The following RC3H2 variants were observed in gnomAD, a reference collection of about 807,000 sequenced individuals.
The protein encoded by RC3H2 is ring finger and CCCH-type domains 2, also known as roquin-2.
RC3H2 carries 31 observed loss-of-function variants against 133.3 expected under a neutral mutation model. The ratio of observed to expected loss-of-function variants is 0.23; its 90% CI spans 0.17 to 0.31. The LOEUF (loss-of-function observed/expected upper bound fraction) is 0.31, where lower values mean the gene tolerates loss of function less well. Among genes scored for constraint, RC3H2 ranks in the 10% least tolerant of loss-of-function variants. The pLI, the probability that RC3H2 is intolerant of heterozygous loss-of-function variation, is 1.00. For missense variants in RC3H2, 1,175 were observed against 1,437.2 expected (o/e 0.82, Z 2.95); for synonymous variants, 517 against 502.2 (o/e 1.03, Z -0.40).
At chr9:122,862,891 CAAA>C (rs1168612532) in intron 10 of RC3H2, among the ~76,000 whole-genome samples, 4 of 48,116 alleles carry the variant, frequency 8.3e-5, no homozygotes, top group African/African-American at 2.4e-4. Context: ...GACTCCATCT[CAAA>C]AAAAAAAAAA....
chr9:122,849,807 T>G lies in RC3H2; in HGVS notation c.3396A>C (p.Thr1132=). ...EDHVILEEQK[T]ILPVTSCFSQ... ...TAAAGCAAGAAGTTACCGGCAGAAT[T>G]GTTTTTTGCTCCTCCCTGAGAAAAA... The change falls in exon 21 of 21, where the codon ACA becomes ACC. Residue 1132 remains threonine (T), a synonymous_variant. Transcript: ENST00000357244. 6.4e-7 allele frequency: 1 copy of G among 1,569,790 alleles called. No homozygotes were observed. Among genetic ancestry groups the G allele is most frequent in the Non-Finnish European group, 8.6e-7 (1 of 1,161,386 alleles).
chr9:122,888,653 C>T (rs1164643590), intron 4 of RC3H2, among the ~76,000 whole-genome samples: 3 of 152,188 alleles, frequency 2.0e-5, no homozygotes, highest in East Asian at 1.9e-4. Context: ...AGAATATATA[C>T]TTCTTCCTCA....
At chr9:122,862,118 AC>A (rs1331347059) in intron 10 of RC3H2, among the ~76,000 whole-genome samples, 3 of 152,240 alleles carry the variant, frequency 2.0e-5, no homozygotes, top group African/African-American at 7.2e-5. Flanking sequence ...AGACTTATCA[AC>A]AAAAAGGCAA....
intron 2 of RC3H2, among the ~76,000 whole-genome samples, chr9:122,897,024 T>TAAA (rs139505008): frequency 1.1e-4 from 4 of 37,016 alleles, no homozygotes; most frequent in East Asian, 7.9e-4. Flanking sequence ...AGACTCTGTC[T>TAAA]AAAAAAAAAA....
Position 122,905,137 on chromosome 9 carries a change from G to A in RC3H2, c.-95C>T, listed in dbSNP as rs1332393851. 3.0e-6 allele frequency: 3 copies of A among 985,300 alleles called. No individual in the cohort carries two copies. Among genetic ancestry groups the A allele is most frequent in the East Asian group, 1.1e-4 (1 of 8,792 alleles). 61.0% of individuals were successfully genotyped at this position (985,300 alleles called of 1,614,324 possible). A position where few individuals can be genotyped will look rare whatever the true frequency, so the allele number is the denominator to read the frequency against. ...GAGGGGGCCCGGGCGGGGTCGCTAA[G>A]GGCCGCTCCCGGGAGCCCCGCGACG... On this transcript the variant is annotated 5_prime_UTR_variant, in exon 1 of 21. Coordinates refer to ENST00000357244, the MANE Select transcript of RC3H2 (RefSeq NM_001100588.3).
At chr9:122,897,126 A>T (rs1231615129) in intron 2 of RC3H2, among the ~76,000 whole-genome samples, 153 bp downstream of exon 2, 3 of 151,814 alleles carry the variant, frequency 2.0e-5, no homozygotes, top group Non-Finnish European at 4.4e-5. Flanking sequence ...AAAAAATCTC[A>T]CAATGTTTTA....
chr9:122,851,690 G>T (rs1830026554), intron 18 of RC3H2: 2 of 404,924 alleles, frequency 4.9e-6, no homozygotes, highest in Non-Finnish European at 9.0e-6. Context: ...GTGGAGACGG[G>T]GTTTCGCTGT....
chr9:122,879,909 G>T (rs755470873), intron 7 of RC3H2, 36 bp from the exon 8 acceptor site: 1 of 1,610,744 alleles, frequency 6.2e-7, no homozygotes, highest in East Asian at 2.2e-5. Context: ...GGGTTGGGGG[G>T]GAAGAATGTT....
intron 9 of RC3H2, among the ~76,000 whole-genome samples, chr9:122,867,471 C>A (rs574865388): frequency 1.3e-4 from 19 of 149,046 alleles, no homozygotes; most frequent in African/African-American, 4.7e-4. Context: ...GGGTCAGCCC[C>A]CCGCCCGGCC....
Position 122,858,090 on chromosome 9 carries a change from G to C in RC3H2, c.2287C>G (p.Pro763Ala). The C allele has an allele frequency of 6.2e-7, 1 of 1,613,776 alleles. No individual in the cohort carries two copies. Among genetic ancestry groups the C allele is most frequent in the East Asian group, 2.2e-5 (1 of 44,878 alleles). ...PRTTVPLPRE[P>A]CGHLKTSCEE... is the part of the protein sequence containing the mutation. Reference sequence around the variant, plus strand: ...CAACTGGTCTTCAAATGACCACAAGGTTCCTAATGGGGGATAAAAGAAACA... The same window carrying C: ...CAACTGGTCTTCAAATGACCACAAGCTTCCTAATGGGGGATAAAAGAAACA... Residue 763 changes from proline (P) to alanine (A), a missense_variant, in exon 13 of 21, where the codon CCT (proline) becomes GCT (alanine). This residue lies in a region of RC3H2 where 490 missense variants were observed against 492.8 expected (regional missense o/e 0.99). Coordinates refer to ENST00000357244, the MANE Select transcript of RC3H2 (RefSeq NM_001100588.3).
Position 122,854,531 on chromosome 9 carries a change from C to A in RC3H2, c.2900G>T (p.Arg967Met). 6.2e-7 allele frequency: 1 copy of A among 1,608,074 alleles called. No individual in the cohort carries two copies. The highest frequency in any genetic ancestry group is 8.5e-7 in the Non-Finnish European group (1 of 1,174,528). The stretch of plus-strand genomic sequence containing the variant: ...CATATAGAATTAAGAAGAACGTTAC[C>A]TTTCAACATAGTGTGCTGATGATGT... ...EATSSAHYVERDRFIVTDLSG... is the reference protein window; with the variant it reads ...EATSSAHYVEMDRFIVTDLSG... The change falls in exon 16 of 21, where the codon AGG becomes ATG. Residue 967 changes from arginine (R) to methionine (M), a missense_variant and splice_region_variant. Coordinates refer to ENST00000357244, the MANE Select transcript of RC3H2 (RefSeq NM_001100588.3).
At chr9:122,860,658 C>T (rs1041161549) in intron 10 of RC3H2, among the ~76,000 whole-genome samples, 5 of 151,882 alleles carry the variant, frequency 3.3e-5, no homozygotes, top group Non-Finnish European at 1.5e-5. Context: ...AGGCAATTCT[C>T]CCACCTTAGC....
Position 122,897,512 on chromosome 9 carries a change from T to A in RC3H2, c.-3A>T. On this transcript the variant is annotated 5_prime_UTR_variant, in exon 2 of 21. Transcript: ENST00000357244. ...CATTGAGCTGCCTGCACAGGCATTG[T>A]GGAAGCTGGATGCTCGGGTTAGCAG... The A allele has an allele frequency of 1.2e-6, 2 of 1,611,890 alleles. No individual in the cohort carries two copies. The highest frequency in any genetic ancestry group is 1.1e-5 in the South Asian group (1 of 90,676).
chr9:122,890,812 T>C (rs1455681857), intron 3 of RC3H2, among the ~76,000 whole-genome samples: 1 of 152,162 alleles, frequency 6.6e-6, no homozygotes, highest in East Asian at 1.9e-4. Context: ...TACTGCTTAA[T>C]GGTAAGCTCT....
At chr9:122,862,913 GT>G (rs1223398526) in intron 10 of RC3H2, among the ~76,000 whole-genome samples, 3 of 142,682 alleles carry the variant, frequency 2.1e-5, no homozygotes, top group Non-Finnish European at 3.1e-5. Flanking sequence ...AAAAAAAAAA[GT>G]TTTTACCCTA....
rs1447210304 is a variant in RC3H2 at position 122,846,276 on chromosome 9, C to T, written c.*3351G>A. ...TTGTATAGGAAATTTCTTTTATTAT[C>T]CTCTTACTAGAATAAATAGCTATGA... On this transcript the variant is annotated 3_prime_UTR_variant, in exon 21 of 21. Coordinates refer to ENST00000357244, the MANE Select transcript of RC3H2 (RefSeq NM_001100588.3). 1 of 152,094 alleles carries T rather than the reference C, an allele frequency of 6.6e-6. No individual in the cohort carries two copies. Among genetic ancestry groups the T allele is most frequent in the East Asian group, 1.9e-4 (1 of 5,194 alleles). The allele number at this position is 152,094 out of a possible 1,614,324, so 9.4% of individuals were successfully genotyped here.
rs905966146 is a variant in RC3H2, at chr9:122,846,398, G to A, written c.*3229C>T. ...ATGTATGACACTGGTTTATCACATGGCATTGAAAATAAGACGTGGCAGCAA... is the reference window on the plus strand; with the variant it reads ...ATGTATGACACTGGTTTATCACATGACATTGAAAATAAGACGTGGCAGCAA... On this transcript the variant is annotated 3_prime_UTR_variant, in exon 21 of 21. Coordinates refer to ENST00000357244, the MANE Select transcript of RC3H2 (RefSeq NM_001100588.3). 3.3e-5 allele frequency: 5 copies of A among 152,100 alleles called. No homozygotes were observed. Among genetic ancestry groups the A allele is most frequent in the African/African-American group, 1.2e-4 (5 of 41,396 alleles). The allele number at this position is 152,100 out of a possible 1,614,324, so 9.4% of individuals were successfully genotyped here.
At chr9:122,875,419 T>C (rs1054230738) in intron 9 of RC3H2, 6 of 1,467,708 alleles carry the variant, frequency 4.1e-6, no homozygotes, top group South Asian at 1.4e-5. Flanking sequence ...CCATAGTTTC[T>C]GTAAAGGGTT....
chr9:122,891,145 G>A (rs907700325), intron 3 of RC3H2, among the ~76,000 whole-genome samples: 2 of 150,764 alleles, frequency 1.3e-5, no homozygotes, highest in African/African-American at 2.4e-5. Context: ...TCAGCCTCCC[G>A]AGTAGCTGGG....
Sources: allele counts gnomAD v4.1 joint callset (sites outside exome capture counted in the v4.1 genomes callset), GRCh38; gene constraint gnomAD v4.1.1; regional missense constraint gnomAD v4.1.1; transcripts MANE v1.5; gene names NCBI Gene and HGNC (gene_info 2026-07-23, HGNC 2026-07-21).